ECD: variants seen among roughly 807,000 people sequenced by gnomAD.
ECD encodes ecdysoneless cell cycle regulator, also known as protein ecdysoneless homolog.
A neutral mutation model predicts 77.2 loss-of-function variants in ECD; 59 were observed. The ratio of observed to expected loss-of-function variants is 0.76; its 90% CI spans 0.62 to 0.95. ECD has a LOEUF of 0.95. Ranked by LOEUF, ECD falls within the 40% of genes least tolerant of loss-of-function variation. The pLI is 0.00. For missense variants in ECD, 704 were observed against 763.4 expected, an observed-to-expected ratio of 0.92 and a Z score of 0.92; for synonymous variants, 233 against 267.4, an observed-to-expected ratio of 0.87 and a Z score of 1.26.
intron 7 of ECD, among the ~76,000 whole-genome samples, chr10:73,150,945 A>G (rs1213048255): frequency 6.6e-6 from 1 of 152,190 alleles, no homozygotes; most frequent in Non-Finnish European, 1.5e-5. Context: ...AAACTAGTTC[A>G]ACCATTGTGG....
intron 8 of ECD, among the ~76,000 whole-genome samples, chr10:73,146,674 C>T (rs1201790857): frequency 6.6e-6 from 1 of 152,056 alleles, no homozygotes; most frequent in African/African-American, 2.4e-5. Context: ...CGATGGCTCA[C>T]GCCTATAATC....
chr10:73,160,452 A>T lies in ECD; in HGVS notation c.305T>A (p.Phe102Tyr). 1 of 1,599,510 alleles carries T rather than the reference A, an allele frequency of 6.3e-7. No individual in the cohort carries two copies. Among genetic ancestry groups the T allele is most frequent in the Non-Finnish European group, 8.5e-7 (1 of 1,175,158 alleles). ...VYVIKQITKE[F>Y]PELVARIEDN... ...ACAATACCTTGCTACTAACTCTGGAAATTCCTTTGTGATCTGCTTTATTAC... is the reference window on the plus strand; with the variant it reads ...ACAATACCTTGCTACTAACTCTGGATATTCCTTTGTGATCTGCTTTATTAC... Residue 102 changes from phenylalanine (F) to tyrosine (Y), a missense_variant, in exon 3 of 14, where the codon TTT becomes TAT. By Grantham distance (22) the Phe-to-Tyr change is conservative. Transcript: ENST00000372979.
chr10:73,154,453 G>T lies in ECD; in HGVS notation c.591-5C>A. On this transcript the variant is annotated splice_region_variant and splice_polypyrimidine_tract_variant and intron_variant, in intron 5 of 13. Coordinates refer to ENST00000372979, the MANE Select transcript of ECD (RefSeq NM_007265.3). ...GCCTGAATTTTTTCTGGGTACCTGGGACAGGTAACATAATTACTTTCATTT... is the reference window on the plus strand; with the variant it reads ...GCCTGAATTTTTTCTGGGTACCTGGTACAGGTAACATAATTACTTTCATTT... 6.2e-7 allele frequency: 1 copy of T among 1,601,502 alleles called. No homozygotes were observed. Among genetic ancestry groups the T allele is most frequent in the Non-Finnish European group, 8.5e-7 (1 of 1,176,072 alleles).
chr10:73,137,370 TGA>T (rs1362841234), intron 12 of ECD, among the ~76,000 whole-genome samples: 3 of 152,160 alleles, frequency 2.0e-5, no homozygotes, highest in Non-Finnish European at 1.5e-5. Flanking sequence ...AATTATTTTT[TGA>T]GTTATCTTTT....
intron 6 of ECD, 63 bp downstream of exon 6, chr10:73,154,193 A>G: frequency 6.8e-7 from 1 of 1,476,816 alleles, no homozygotes; most frequent in Non-Finnish European, 9.0e-7. Context: ...AAAAGAAAAA[A>G]ATAATAATGT....
intron 3 of ECD, among the ~76,000 whole-genome samples, chr10:73,157,266 T>C (rs1229122874): frequency 1.3e-5 from 2 of 151,234 alleles, no homozygotes; most frequent in Non-Finnish European, 2.9e-5. Context: ...CCCAGGCTGG[T>C]CTCGAACTCC....
chr10:73,142,558 C>T (rs1219427774), intron 9 of ECD, among the ~76,000 whole-genome samples: 3 of 147,282 alleles, frequency 2.0e-5, no homozygotes, highest in Non-Finnish European at 3.0e-5. Flanking sequence ...CGCTTGAACC[C>T]GGGAGGTGGA....
At chr10:73,165,408 G>A (rs1334196183) in intron 1 of ECD, among the ~76,000 whole-genome samples, 3 of 151,228 alleles carry the variant, frequency 2.0e-5, no homozygotes, top group Non-Finnish European at 4.4e-5. Flanking sequence ...CTGGAGTGCA[G>A]TGGAGTGATC....
At chr10:73,139,551 G>A (rs1398124427) in intron 10 of ECD, 56 bp from the exon 11 acceptor site, 1 of 1,596,100 alleles carries the variant, frequency 6.3e-7, no homozygotes, top group Admixed American at 1.8e-5. Context: ...GTCCTCTTAG[G>A]AGAGGATCCT....
intron 6 of ECD, 121 bp from the exon 7 acceptor site, chr10:73,152,542 G>A: frequency 8.5e-7 from 1 of 1,181,682 alleles, no homozygotes; most frequent in African/African-American, 1.5e-5. Flanking sequence ...GAAATGCAAA[G>A]AAGATTCAAC....
intron 11 of ECD, among the ~76,000 whole-genome samples, chr10:73,138,727 C>T (rs1264372188): frequency 6.6e-6 from 1 of 152,080 alleles, no homozygotes; most frequent in Non-Finnish European, 1.5e-5. Context: ...CCACCATACC[C>T]GGCTAATTTT....
chr10:73,158,830 G>T (rs540266035), intron 3 of ECD, among the ~76,000 whole-genome samples: 2 of 152,246 alleles, frequency 1.3e-5, no homozygotes, highest in South Asian at 4.1e-4. Flanking sequence ...TTGAGCCCAG[G>T]AGTTCAAGTC....
chr10:73,157,068 G>A (rs78086509), intron 3 of ECD, among the ~76,000 whole-genome samples: 41 of 150,640 alleles, frequency 2.7e-4, no homozygotes, highest in African/African-American at 9.8e-4. Context: ...TTTTATTTTG[G>A]AGACGGAGTC....
rs543914086 is a variant in ECD, at chr10:73,147,074, C to T, written c.1042-713G>A. 2.6e-5 allele frequency among the ~76,000 whole-genome samples: 4 copies of T among 151,694 alleles called. No individual in the cohort carries two copies. The South Asian group carries it at 8.3e-4, about 32-fold the overall frequency. On this transcript the variant is annotated intron_variant, in intron 8 of 13. Transcript: ENST00000372979. ...GCAACATAGCAAGACTTCGACTCTA[C>T]TAAAAAGAAAAAAAAACAATCTTTA...
intron 6 of ECD, among the ~76,000 whole-genome samples, chr10:73,152,884 C>T (rs1056173117): frequency 2.7e-5 from 4 of 147,932 alleles, no homozygotes; most frequent in African/African-American, 7.9e-5. Flanking sequence ...CACTGCACTC[C>T]GGCCTGGGCA....
chr10:73,147,811 C>T (rs952582261), intron 8 of ECD, among the ~76,000 whole-genome samples: 3 of 151,972 alleles, frequency 2.0e-5, no homozygotes, highest in East Asian at 1.9e-4. Flanking sequence ...ACCATACTCT[C>T]GACAGCACAG....
intron 7 of ECD, among the ~76,000 whole-genome samples, chr10:73,150,419 C>T (rs1441831282): frequency 6.6e-6 from 1 of 152,140 alleles, no homozygotes; most frequent in South Asian, 2.1e-4. Context: ...ACCATAAAAA[C>T]CCTAGAAGAA....
chr10:73,135,584 G>A (rs774632840), intron 13 of ECD, among the ~76,000 whole-genome samples: 6 of 152,074 alleles, frequency 3.9e-5, no homozygotes, highest in Admixed American at 6.6e-5. Flanking sequence ...AGCCAGGCAC[G>A]GTGGTGCGCA....
Position 73,139,441 on chromosome 10 carries a change from G to C in ECD, c.1289C>G (p.Ala430Gly). ...AGACTCGGATTCTTTTTTGCCAACA[G>C]CTTCCTGCAGCAGCTGGTCCAGCTG... Reference protein sequence around the residue: ...PDQLDQLLQEAVGKKESESVS... With the variant: ...PDQLDQLLQEGVGKKESESVS... Residue 430 changes from alanine (A) to glycine (G), a missense_variant, in exon 11 of 14, where the codon GCT becomes GGT. By Grantham distance (60) the Ala-to-Gly change is moderately conservative. Coordinates refer to ENST00000372979, the MANE Select transcript of ECD (RefSeq NM_007265.3). The C allele has an allele frequency of 6.2e-7, 1 of 1,614,084 alleles. No individual in the cohort carries two copies. Among genetic ancestry groups the C allele is most frequent in the Admixed American group, 1.7e-5 (1 of 60,012 alleles).
Sources: allele counts gnomAD v4.1 joint callset (sites outside exome capture counted in the v4.1 genomes callset), GRCh38; gene constraint gnomAD v4.1.1; transcripts MANE v1.5; gene names NCBI Gene and HGNC (gene_info 2026-07-23, HGNC 2026-07-21).